LINGO2: variants seen among roughly 807,000 people sequenced by gnomAD.
LINGO2 encodes leucine-rich repeat and immunoglobulin-like domain-containing nogo receptor-interacting protein 2.
LINGO2 carries 14 observed loss-of-function variants against 30.6 expected under a neutral mutation model. The ratio of observed to expected loss-of-function variants is 0.46; its 90% confidence interval spans 0.30 to 0.72. LINGO2 has a LOEUF of 0.72. Among genes scored for constraint, LINGO2 ranks in the 30% least tolerant of loss-of-function variants. LINGO2 has a pLI of 0.07. For synonymous variants in LINGO2, 317 were observed against 288.5 expected (o/e 1.10, Z -1.00); for missense variants, 729 against 751.7 (o/e 0.97, Z 0.35).
the LINGO2 span, among the ~76,000 whole-genome samples, chr9:29,189,200 C>G: frequency 6.7e-6 from 1 of 148,198 alleles, no homozygotes; most frequent in Non-Finnish European, 1.5e-5. Flanking sequence ...AGGGGCTCCT[C>G]ACTTCCCAGT....
At chr9:28,672,782 T>A (rs549106993), upstream of LINGO2, among the ~76,000 whole-genome samples, 1 of 152,150 alleles carries the variant, frequency 6.6e-6, no homozygotes, top group Non-Finnish European at 1.5e-5. Flanking sequence ...ATCTTTTGTT[T>A]ATGATCATAT....
the LINGO2 span, among the ~76,000 whole-genome samples, chr9:28,876,748 T>C: frequency 1.3e-5 from 2 of 152,164 alleles, no homozygotes; most frequent in Non-Finnish European, 2.9e-5. Context: ...TGATTTATAG[T>C]CCTTTGGGTA....
the LINGO2 span, among the ~76,000 whole-genome samples, chr9:28,958,263 C>T: frequency 6.6e-6 from 1 of 152,200 alleles, no homozygotes; most frequent in Admixed American, 6.5e-5. Context: ...TTGACCTCAG[C>T]AGGTAGAATG....
chr9:28,297,031 A>C (rs943726580), intron 3 of LINGO2, among the ~76,000 whole-genome samples: 1 of 152,182 alleles, frequency 6.6e-6, no homozygotes, highest in African/African-American at 2.4e-5. Flanking sequence ...AAGGATATTA[A>C]AAGAAGCCGT....
At chr9:28,883,501 C>A in the LINGO2 span, among the ~76,000 whole-genome samples, 1 of 151,526 alleles carries the variant, frequency 6.6e-6, no homozygotes, top group Non-Finnish European at 1.5e-5. Context: ...GGAAAGCCCT[C>A]ATTTCCCCCA....
the LINGO2 span, among the ~76,000 whole-genome samples, chr9:28,782,486 TAAC>T: frequency 1.3e-5 from 2 of 152,132 alleles, no homozygotes; most frequent in Non-Finnish European, 2.9e-5. Flanking sequence ...AGGGAAATGA[TAAC>T]AAGAGTATGA....
At position 28,024,689 on chromosome 9, in the gene LINGO2, G is replaced by C. The variant is rs892720151; in HGVS notation, c.-86-12284C>G. On this transcript the variant is annotated intron_variant, in intron 4 of 5. Coordinates refer to ENST00000379992, the Ensembl canonical transcript of LINGO2. ...GCTTACATTTGTAACCAACAAGTGA[G>C]TTCCAATGTTCCAAAGTCATTGCAT... Among the ~76,000 whole-genome samples, 3 of 152,126 alleles carry C rather than the reference G, an allele frequency of 2.0e-5. No individual in the cohort carries two copies. In the East Asian group the frequency reaches 5.8e-4, roughly 29 times the overall value.
the LINGO2 span, among the ~76,000 whole-genome samples, chr9:28,719,697 G>T: frequency 6.6e-6 from 1 of 151,754 alleles, no homozygotes; most frequent in Non-Finnish European, 1.5e-5. Flanking sequence ...AATCTGCTCT[G>T]CTCTGAAATC....
At chr9:28,884,930 ATT>A in the LINGO2 span, among the ~76,000 whole-genome samples, 313 of 4,908 alleles carry the variant, frequency 0.064, 19 homozygotes, top group African/African-American at 0.12. Context: ...TATATATAAT[ATT>A]ATATATAATA....
At chr9:29,195,935 T>A in the LINGO2 span, among the ~76,000 whole-genome samples, 6 of 152,122 alleles carry the variant, frequency 3.9e-5, no homozygotes, top group Non-Finnish European at 5.9e-5. Flanking sequence ...TCCCTGCATC[T>A]AGAATGGTAC....
the LINGO2 span, among the ~76,000 whole-genome samples, chr9:28,990,546 T>G: frequency 3.3e-5 from 5 of 152,188 alleles, no homozygotes; most frequent in South Asian, 2.1e-4. Flanking sequence ...ACAGGCAGAC[T>G]GCCTTTTCAA....
intron 1 of LINGO2, among the ~76,000 whole-genome samples, chr9:28,573,061 G>T (rs1046946086): frequency 3.3e-5 from 5 of 152,028 alleles, no homozygotes; most frequent in African/African-American, 1.2e-4. Flanking sequence ...ATATCTATTG[G>T]CAAAATATTT....
intron 1 of LINGO2, among the ~76,000 whole-genome samples, chr9:28,556,679 G>A (rs1182587422): frequency 6.6e-6 from 1 of 151,830 alleles, no homozygotes. Flanking sequence ...AAAAGAGCCC[G>A]CATCTCCAAG....
At chr9:28,012,171 C>G (rs766533163) in intron 5 of LINGO2, among the ~76,000 whole-genome samples, 3 of 151,988 alleles carry the variant, frequency 2.0e-5, no homozygotes, top group African/African-American at 7.3e-5. Context: ...TTCTTTTTGC[C>G]CACCACAGGG....
intron 1 of LINGO2, among the ~76,000 whole-genome samples, chr9:28,515,786 G>A (rs1364379558): frequency 6.6e-6 from 1 of 152,178 alleles, no homozygotes; most frequent in African/African-American, 2.4e-5. Context: ...TAAAGCAATG[G>A]CAGGTTTTGA....
At position 28,513,084 on chromosome 9, in the gene LINGO2, TACACACACACACACAC is replaced by T. The variant is rs57773955; in HGVS notation, c.-364-37075_-364-37060del. Among the ~76,000 whole-genome samples the T allele has an allele frequency of 1.8e-3, 262 of 146,684 alleles. 1 individual carries two copies. The highest frequency in any genetic ancestry group is 5.6e-3 in the African/African-American group (219 of 39,080). On this transcript the variant is annotated intron_variant, in intron 1 of 5. Coordinates refer to ENST00000379992, the Ensembl canonical transcript of LINGO2. ...AGTTGATGCTCAGTATTAACCATCA[TACACACACACACACAC>T]ACACACACACACACACACACACACA...
chr9:28,004,361 AT>A (rs1563903276), intron 5 of LINGO2, among the ~76,000 whole-genome samples: 2 of 152,116 alleles, frequency 1.3e-5, no homozygotes, highest in African/African-American at 4.8e-5. Flanking sequence ...TATCCGATTC[AT>A]TTTTTTCTCT....
chr9:29,139,926 C>G, the LINGO2 span, among the ~76,000 whole-genome samples: 1 of 151,304 alleles, frequency 6.6e-6, no homozygotes, highest in Non-Finnish European at 1.5e-5. Context: ...CCTGCAGAGC[C>G]ATAGACAGAC....
chr9:28,479,875 G>GTGTGTA lies in LINGO2; in HGVS notation c.-364-3851_-364-3850insTACACA, dbSNP rs1554725777. The stretch of plus-strand genomic sequence containing the variant: ...TGTGTGTGTGTGTGTGTGTGTGTGT[G>GTGTGTA]TGTGTGTGTATGTGTGTATGTGTAT... On this transcript the variant is annotated intron_variant, in intron 1 of 5. Transcript: ENST00000379992. 5.7e-3 allele frequency among the ~76,000 whole-genome samples: 678 copies of GTGTGTA among 118,486 alleles called. 18 individuals are homozygous for GTGTGTA. Among genetic ancestry groups the GTGTGTA allele is most frequent in the East Asian group, 0.015 (59 of 3,990 alleles). 77.7% of individuals were successfully genotyped at this position (118,486 alleles called of 152,430 possible). A position where few individuals can be genotyped will look rare whatever the true frequency, so the allele number is the denominator to read the frequency against.
Sources: allele counts gnomAD v4.1 joint callset (sites outside exome capture counted in the v4.1 genomes callset), GRCh38; gene constraint gnomAD v4.1.1; transcripts MANE v1.5; gene names NCBI Gene and HGNC (gene_info 2026-07-23, HGNC 2026-07-21).